CAST: variants seen among roughly 807,000 people sequenced by gnomAD.
CAST encodes calpastatin, also known as MIR583 host.
CAST carries 76 observed loss-of-function variants against 119.6 expected under a neutral mutation model. The ratio of observed to expected loss-of-function variants is 0.64; its 90% CI spans 0.53 to 0.77. The LOEUF (loss-of-function observed/expected upper bound fraction) is 0.77, where lower values mean the gene tolerates loss of function less well. Ranked by LOEUF, CAST falls within the 30% of genes least tolerant of loss-of-function variation. The pLI is 0.00. For missense variants in CAST, 953 were observed against 946.5 expected (o/e 1.01, Z -0.09); for synonymous variants, 319 against 331.6 (o/e 0.96, Z 0.41).
At chr5:96,415,894 C>A in the CAST span, 1 of 678,718 alleles carries the variant, frequency 1.5e-6, no homozygotes, top group Non-Finnish European at 2.7e-6. Flanking sequence ...AAATCATATT[C>A]AAGTCCTGTA....
chr5:96,449,705 A>G, the CAST span, among the ~76,000 whole-genome samples: 1 of 152,176 alleles, frequency 6.6e-6, no homozygotes, highest in Admixed American at 6.5e-5. Context: ...ATCTTCTCTC[A>G]CTATGTTCAA....
At chr5:96,451,989 C>A in the CAST span, among the ~76,000 whole-genome samples, 1 of 152,198 alleles carries the variant, frequency 6.6e-6, no homozygotes. Context: ...AGTCAGGAAA[C>A]AACAGATGCT....
the CAST span, among the ~76,000 whole-genome samples, chr5:96,119,188 T>C: frequency 6.6e-6 from 1 of 152,268 alleles, no homozygotes; most frequent in East Asian, 1.9e-4. Context: ...GGATCTCTAT[T>C]GAGGTCTGAT....
the CAST span, among the ~76,000 whole-genome samples, chr5:96,314,036 A>G: frequency 6.6e-6 from 1 of 152,200 alleles, no homozygotes; most frequent in South Asian, 2.1e-4. Context: ...ACCCAAATAT[A>G]CATGGCTTCT....
chr5:96,773,017 T>C lies in CAST; in HGVS notation c.*401T>C, dbSNP rs1422768080. ...TTGTATTTTCAGTTTGCCCTTAATT[T>C]TTTTTGTTAGTGTTTAGAAAACAAT... On this transcript the variant is annotated 3_prime_UTR_variant, in exon 32 of 32. Transcript: ENST00000675179. The C allele has an allele frequency of 1.9e-5, 3 of 153,898 alleles. No individual in the cohort carries two copies. In the Admixed American group the frequency reaches 2.0e-4, roughly 10 times the overall value. The allele number at this position is 153,898 out of a possible 1,614,324, so 9.5% of individuals were successfully genotyped here.
chr5:96,609,114 T>A (rs1747314905), intron 1 of CAST, among the ~76,000 whole-genome samples: 1 of 152,260 alleles, frequency 6.6e-6, no homozygotes, highest in Non-Finnish European at 1.5e-5. Context: ...TTATTGATCC[T>A]TGTAACCAAA....
At chr5:96,629,151 A>G (rs1255869318) in intron 1 of CAST, among the ~76,000 whole-genome samples, 1 of 152,240 alleles carries the variant, frequency 6.6e-6, no homozygotes, top group Non-Finnish European at 1.5e-5. Context: ...CAGAGCTTGC[A>G]TGAATGGATC....
the CAST span, among the ~76,000 whole-genome samples, chr5:96,471,422 T>C: frequency 6.6e-6 from 1 of 152,206 alleles, no homozygotes; most frequent in Non-Finnish European, 1.5e-5. Flanking sequence ...AAAATATTCA[T>C]GCAGGTGTGA....
chr5:96,454,647 T>C, the CAST span, among the ~76,000 whole-genome samples: 1 of 152,236 alleles, frequency 6.6e-6, no homozygotes, highest in African/African-American at 2.4e-5. Context: ...GAAGACCCAG[T>C]TCCCTTCCTT....
the CAST span, chr5:96,393,175 A>G: frequency 1.2e-6 from 2 of 1,614,122 alleles, no homozygotes; most frequent in Non-Finnish European, 8.5e-7. Flanking sequence ...AGTTTTCATA[A>G]GGGATGTTGA....
chr5:96,386,915 A>C, the CAST span, among the ~76,000 whole-genome samples: 2 of 152,186 alleles, frequency 1.3e-5, no homozygotes, highest in East Asian at 3.8e-4. Flanking sequence ...CAGTGAGCCG[A>C]GATCATACCA....
At chr5:96,477,727 C>T in the CAST span, among the ~76,000 whole-genome samples, 1 of 152,114 alleles carries the variant, frequency 6.6e-6, no homozygotes, top group African/African-American at 2.4e-5. Flanking sequence ...TTTCTCTCAC[C>T]AATCTGACTT....
the CAST span, among the ~76,000 whole-genome samples, chr5:96,124,650 C>G: frequency 6.6e-6 from 1 of 152,008 alleles, no homozygotes; most frequent in Non-Finnish European, 1.5e-5. Flanking sequence ...TAGGATGTGC[C>G]TGTTATAGTC....
chr5:96,253,295 G>A, the CAST span, among the ~76,000 whole-genome samples: 1 of 152,126 alleles, frequency 6.6e-6, no homozygotes, highest in African/African-American at 2.4e-5. Flanking sequence ...GGGAGAGGGT[G>A]TCTGGATCAG....
the CAST span, among the ~76,000 whole-genome samples, chr5:96,078,167 C>T: frequency 9.4e-3 from 1,424 of 152,214 alleles, 26 homozygotes; most frequent in African/African-American, 0.033. Context: ...CGTGACAGCC[C>T]GACCCTCATG....
At chr5:96,664,120 A>G (rs1298196424) in intron 1 of CAST, among the ~76,000 whole-genome samples, 1 of 152,182 alleles carries the variant, frequency 6.6e-6, no homozygotes, top group African/African-American at 2.4e-5. Flanking sequence ...GCTACCCTGT[A>G]TAAGAATCAA....
the CAST span, among the ~76,000 whole-genome samples, chr5:96,480,028 C>T: frequency 6.6e-6 from 1 of 152,086 alleles, no homozygotes; most frequent in Non-Finnish European, 1.5e-5. Flanking sequence ...AAGAAGAGAC[C>T]AGAACAAGTA....
intron 1 of CAST, among the ~76,000 whole-genome samples, chr5:96,656,326 A>C (rs567820342): frequency 7.7e-4 from 117 of 152,366 alleles, no homozygotes; most frequent in African/African-American, 2.8e-3. Context: ...GTACTGTTAA[A>C]ACAAAAATGA....
the CAST span, among the ~76,000 whole-genome samples, chr5:96,088,676 A>T: frequency 6.6e-6 from 1 of 152,120 alleles, no homozygotes; most frequent in Non-Finnish European, 1.5e-5. Flanking sequence ...TTTCTAGAAT[A>T]TCCATTTTCC....
Sources: gnomAD v4.1 joint callset for allele counts (sites outside exome capture counted in the v4.1 genomes callset) on GRCh38, gnomAD v4.1.1 for gene constraint, MANE v1.5 for transcripts, NCBI Gene and HGNC (gene_info 2026-07-23, HGNC 2026-07-21) for gene names.